KIF6: variants seen among roughly 807,000 people sequenced by gnomAD.
KIF6 encodes the protein kinesin-like protein KIF6.
In KIF6, 106 loss-of-function variants were observed where a neutral mutation model predicts 112.7. The ratio of observed to expected loss-of-function variants is 0.94; its 90% CI spans 0.80 to 1.11. The LOEUF (loss-of-function observed/expected upper bound fraction) is 1.11. Among genes scored for constraint, KIF6 ranks in the 50% least tolerant of loss-of-function variants. The probability of loss-of-function intolerance (pLI) is 0.00; values close to 1 mark genes in which losing one functional copy is unlikely to be tolerated. For missense variants in KIF6, 929 were observed against 964.0 expected, an observed-to-expected ratio of 0.96 and a Z score of 0.48; for synonymous variants, 339 against 339.9, an observed-to-expected ratio of 1.00 and a Z score of 0.03.
chr6:39,518,661 A>T lies in KIF6; in HGVS notation c.1645+21342T>A, dbSNP rs116379310. Among the ~76,000 whole-genome samples the T allele has an allele frequency of 4.8e-3, 735 of 152,354 alleles. 5 individuals carry two copies. The highest frequency in any genetic ancestry group is 0.017 in the African/African-American group (689 of 41,596). On this transcript the variant is annotated intron_variant, in intron 13 of 22. Transcript: ENST00000287152. ...TCATGTATATATTCAAAATCCAGAC[A>T]GTGCTTGTACATCAGTTAGATAACT...
chr6:39,597,829 G>A (rs373501399), intron 6 of KIF6, among the ~76,000 whole-genome samples: 2 of 152,072 alleles, frequency 1.3e-5, no homozygotes, highest in Middle Eastern at 3.2e-3. Flanking sequence ...TAAAGCACTA[G>A]AAGATATTTG....
At position 39,368,901 on chromosome 6, in the gene KIF6, T is replaced by A. The variant is rs544201859; in HGVS notation, c.1862-6383A>T. On this transcript the variant is annotated intron_variant, in intron 16 of 22. Transcript: ENST00000287152. Reference sequence around the variant, plus strand: ...CAGTGCCCTGCGTGGGAAGGGGAAGTGAGTTATGTGGCTCTACCATGGCAG... The same window carrying A: ...CAGTGCCCTGCGTGGGAAGGGGAAGAGAGTTATGTGGCTCTACCATGGCAG... Among the ~76,000 whole-genome samples the A allele has an allele frequency of 2.6e-5, 4 of 152,234 alleles. No homozygotes were observed. The East Asian group carries it at 7.7e-4, about 29-fold the overall frequency.
At chr6:39,706,759 G>A (rs1789235103) in intron 3 of KIF6, among the ~76,000 whole-genome samples, 1 of 152,136 alleles carries the variant, frequency 6.6e-6, no homozygotes, top group African/African-American at 2.4e-5. Context: ...ACAATTCAGT[G>A]GTGAATAACG....
At position 39,584,923 on chromosome 6, in the gene KIF6, A is replaced by C. The variant is rs138380164; in HGVS notation, c.1052T>G (p.Leu351Arg). The C allele has an allele frequency of 5.0e-5, 81 of 1,611,298 alleles. No individual in the cohort carries two copies. The highest frequency in any genetic ancestry group is 6.2e-5 in the Non-Finnish European group (73 of 1,177,972). ...TAATCTGGGGTTAATTTCTTCATTA[A>C]GAACAGCTTCATTCTTTATGAGTGC... Reference protein sequence around the residue: ...RVALIKNEAVLNEEINPRLVI... With the variant: ...RVALIKNEAVRNEEINPRLVI... Residue 351 changes from leucine (L) to arginine (R), a missense_variant, in exon 9 of 23, where the codon CTT (leucine) becomes CGT (arginine). Physicochemically the swap from Leu to Arg is moderately radical, Grantham distance 102 (BLOSUM62 -2). Around this residue, in one of 2 missense-constraint regions of KIF6, gnomAD observed 688 missense variants for 662.7 expected, o/e 1.04. Transcript: ENST00000287152.
intron 9 of KIF6, among the ~76,000 whole-genome samples, chr6:39,578,974 G>A (rs1178190102): frequency 1.3e-5 from 2 of 152,140 alleles, no homozygotes; most frequent in African/African-American, 4.8e-5. Flanking sequence ...GAATATATCA[G>A]AATCTATTTG....
intron 3 of KIF6, among the ~76,000 whole-genome samples, chr6:39,674,983 T>A (rs2150838178): frequency 6.6e-6 from 1 of 152,070 alleles, no homozygotes; most frequent in East Asian, 1.9e-4. Context: ...ACTCAGACTT[T>A]CAATTCTCCC....
At position 39,475,756 on chromosome 6, in the gene KIF6, A is replaced by G. The variant is rs570519452; in HGVS notation, c.1646-44595T>C. Among the ~76,000 whole-genome samples, 11 of 152,304 alleles carry G rather than the reference A, an allele frequency of 7.2e-5. No homozygotes were observed. In the East Asian group the frequency reaches 2.1e-3, roughly 29 times the overall value. Reference sequence around the variant, plus strand: ...TCTCTAAGCAGCGAGAGGCGCCTTCATGAGCAGCTGGAGAGTTTTACACTT... The same window carrying G: ...TCTCTAAGCAGCGAGAGGCGCCTTCGTGAGCAGCTGGAGAGTTTTACACTT... On this transcript the variant is annotated intron_variant, in intron 13 of 22. Transcript: ENST00000287152.
At chr6:39,425,972 A>G (rs939751425) in intron 14 of KIF6, among the ~76,000 whole-genome samples, 5 of 152,180 alleles carry the variant, frequency 3.3e-5, no homozygotes, top group Admixed American at 6.5e-5. Flanking sequence ...GAAGGATCCA[A>G]CTGAGTGAAG....
rs572152306 is a variant in KIF6, at chr6:39,714,672, C to A, written c.251+20G>T. 6.2e-7 allele frequency: 1 copy of A among 1,601,104 alleles called. No individual in the cohort carries two copies. The highest frequency in any genetic ancestry group is 8.6e-7 in the Non-Finnish European group (1 of 1,168,554). ...CATGAAAAACCACGAGCCCACTGAA[C>A]AAAATATGGGAAATCCTACCTCCCA... On this transcript the variant is annotated intron_variant, in intron 3 of 22. Coordinates refer to ENST00000287152, the MANE Select transcript of KIF6 (RefSeq NM_145027.6).
rs530948628 is a variant in KIF6, at chr6:39,494,462, T to C, written c.1645+45541A>G. Among the ~76,000 whole-genome samples the C allele has an allele frequency of 6.6e-5, 10 of 152,306 alleles. No homozygotes were observed. In the East Asian group the frequency reaches 1.9e-3, roughly 29 times the overall value. ...AAAGGTTAAATAACCATAGGCATTT[T>C]TGGAGCTCTAGAGAAGAGGTAGATA... On this transcript the variant is annotated intron_variant, in intron 13 of 22. Transcript: ENST00000287152.
Position 39,659,581 on chromosome 6 carries a change from C to T in KIF6, c.252-19824G>A, listed in dbSNP as rs377198388. 3.7e-4 allele frequency among the ~76,000 whole-genome samples: 57 copies of T among 152,174 alleles called. No homozygotes were observed. The South Asian group carries it at 0.011, about 28-fold the overall frequency. ...GTGGGAGGTAAATGAATCATGGGGG[C>T]GGTTACCCCATGCTGTTCTTATGAC... On this transcript the variant is annotated intron_variant, in intron 3 of 22. Transcript: ENST00000287152.
intron 3 of KIF6, among the ~76,000 whole-genome samples, chr6:39,711,684 G>C (rs1303156118): frequency 6.6e-6 from 1 of 152,116 alleles, no homozygotes; most frequent in African/African-American, 2.4e-5. Context: ...ATTAGAGGAT[G>C]ATTACCAAAA....
At chr6:39,590,680 A>T (rs1781903176) in intron 7 of KIF6, among the ~76,000 whole-genome samples, 1 of 151,980 alleles carries the variant, frequency 6.6e-6, no homozygotes, top group Middle Eastern at 3.4e-3. Flanking sequence ...CAAACCCCTG[A>T]CCTCAAGTGA....
chr6:39,349,628 GCTC>G (rs1311764390), intron 19 of KIF6, among the ~76,000 whole-genome samples: 1 of 116,788 alleles, frequency 8.6e-6, no homozygotes, highest in Admixed American at 8.4e-5. Flanking sequence ...TTAATTTGTG[GCTC>G]TTTTTTTTTT....
Position 39,343,678 on chromosome 6 carries a change from C to T in KIF6, c.2428+31G>A. On this transcript the variant is annotated intron_variant, in intron 22 of 22. Transcript: ENST00000287152. This position sits in a 1 kb window ranked among gnomAD's most constrained non-coding sequence, Gnocchi z 4.1. ...CCACAAGTGTTGGTGACCTGCTGCC[C>T]AGGAGGAGCCACCGAGGGAGGTGCA... 6.5e-7 allele frequency: 1 copy of T among 1,529,700 alleles called. No individual in the cohort carries two copies. Among genetic ancestry groups the T allele is most frequent in the South Asian group, 1.2e-5 (1 of 82,956 alleles). The allele number at this position is 1,529,700 out of a possible 1,614,324, so 94.8% of individuals were successfully genotyped here.
At chr6:39,650,007 C>A (rs1040689823) in intron 3 of KIF6, among the ~76,000 whole-genome samples, 3 of 152,186 alleles carry the variant, frequency 2.0e-5, no homozygotes, top group African/African-American at 7.2e-5. Context: ...AGCTGCCTGT[C>A]TTGAATGATT....
At chr6:39,492,594 A>G (rs1270162478) in intron 13 of KIF6, among the ~76,000 whole-genome samples, 1 of 152,188 alleles carries the variant, frequency 6.6e-6, no homozygotes, top group African/African-American at 2.4e-5. Context: ...ACCTGGAGAT[A>G]TGTGCCTGGA....
rs537667163 is a variant in KIF6 at position 39,697,378 on chromosome 6, G to A, written c.251+17314C>T. On this transcript the variant is annotated intron_variant, in intron 3 of 22. Coordinates refer to ENST00000287152, the MANE Select transcript of KIF6 (RefSeq NM_145027.6). ...TCGTGGTTCATAAGCCTATCAGGTT[G>A]GTGCTGTCGGCCACATGGAGGAAAC... 2.0e-5 allele frequency among the ~76,000 whole-genome samples: 3 copies of A among 152,148 alleles called. No individual in the cohort carries two copies. In the South Asian group the frequency reaches 6.2e-4, roughly 32 times the overall value.
chr6:39,576,094 T>C (rs1780959002), intron 10 of KIF6, among the ~76,000 whole-genome samples: 1 of 152,240 alleles, frequency 6.6e-6, no homozygotes, highest in African/African-American at 2.4e-5. Context: ...CTGAAAAACA[T>C]ACAGGATACA....
Sources: allele counts gnomAD v4.1 joint callset (sites outside exome capture counted in the v4.1 genomes callset), GRCh38; gene constraint gnomAD v4.1.1; regional missense constraint gnomAD v4.1.1; non-coding constraint Gnocchi (gnomAD v3.1); transcripts MANE v1.5; gene names NCBI Gene and HGNC (gene_info 2026-07-23, HGNC 2026-07-21).